The following ADGRB3 variants were observed in gnomAD, a reference collection of about 807,000 sequenced individuals.
ADGRB3 encodes the protein adhesion G protein-coupled receptor B3.
A neutral mutation model predicts 193.4 loss-of-function variants in ADGRB3; 37 were observed. The ratio of observed to expected loss-of-function variants is 0.19; its 90% confidence interval spans 0.15 to 0.25. ADGRB3 has a LOEUF of 0.25. Ranked by LOEUF, ADGRB3 falls within the 10% of genes least tolerant of loss-of-function variation. The probability of loss-of-function intolerance (pLI) is 1.00; values close to 1 mark genes in which losing one functional copy is unlikely to be tolerated. For missense variants in ADGRB3, 1,637 were observed against 1,852.9 expected (o/e 0.88, Z 2.14); for synonymous variants, 690 against 644.2 (o/e 1.07, Z -1.08).
chr6:69,298,427 A>C (rs1257899367), intron 20 of ADGRB3, among the ~76,000 whole-genome samples: 1 of 152,056 alleles, frequency 6.6e-6, no homozygotes, highest in Non-Finnish European at 1.5e-5. Flanking sequence ...TTTGAAATAT[A>C]CAATAAATTA....
intron 16 of ADGRB3, among the ~76,000 whole-genome samples, chr6:69,068,972 G>A (rs377576625): frequency 6.6e-6 from 1 of 151,878 alleles, no homozygotes; most frequent in African/African-American, 2.4e-5. Flanking sequence ...AGTTTTCAAT[G>A]TGATGAGAAT....
chr6:68,810,146 G>C (rs113185844), intron 3 of ADGRB3, among the ~76,000 whole-genome samples: 9 of 152,196 alleles, frequency 5.9e-5, no homozygotes, highest in African/African-American at 2.2e-4. Flanking sequence ...GAACATAAAT[G>C]GGAAATTGCT....
chr6:69,106,625 G>A (rs1773223064), intron 17 of ADGRB3, among the ~76,000 whole-genome samples: 1 of 152,232 alleles, frequency 6.6e-6, no homozygotes, highest in African/African-American at 2.4e-5. Flanking sequence ...GAATCCAGCA[G>A]TTTGCCAGAG....
At chr6:69,175,581 C>T (rs969145444) in intron 17 of ADGRB3, among the ~76,000 whole-genome samples, 12 of 152,142 alleles carry the variant, frequency 7.9e-5, no homozygotes, top group African/African-American at 2.9e-4. Context: ...AATGTGATGC[C>T]TCTGGCTTTG....
intron 3 of ADGRB3, among the ~76,000 whole-genome samples, chr6:68,696,084 C>A (rs1270660142): frequency 6.6e-6 from 1 of 151,990 alleles, no homozygotes; most frequent in Admixed American, 6.6e-5. Context: ...CGTCTTCTTG[C>A]CTGGCCAGAA....
At chr6:68,724,685 A>G (rs1765642810) in intron 3 of ADGRB3, among the ~76,000 whole-genome samples, 1 of 150,040 alleles carries the variant, frequency 6.7e-6, no homozygotes, top group African/African-American at 2.4e-5. Context: ...TTTGGTAAAA[A>G]CTCACTTTTC....
chr6:69,008,004 A>C (rs991074304), intron 11 of ADGRB3, among the ~76,000 whole-genome samples: 2 of 152,110 alleles, frequency 1.3e-5, no homozygotes, highest in African/African-American at 2.4e-5. Flanking sequence ...AGTGGAAAAC[A>C]GAAGGGTGTG....
At chr6:68,765,535 T>C (rs1164199245) in intron 3 of ADGRB3, among the ~76,000 whole-genome samples, 2 of 64,272 alleles carry the variant, frequency 3.1e-5, no homozygotes, top group Admixed American at 2.0e-4. Flanking sequence ...TATATTCTTA[T>C]AGACACACAC....
At chr6:69,383,842 C>T (rs1042088900) in intron 31 of ADGRB3, among the ~76,000 whole-genome samples, 2 of 151,972 alleles carry the variant, frequency 1.3e-5, no homozygotes, top group African/African-American at 2.4e-5. Context: ...CTCCTTTGCC[C>T]AAATATGGGG....
At chr6:69,106,201 GA>G (rs1773210464) in intron 17 of ADGRB3, among the ~76,000 whole-genome samples, 1 of 117,720 alleles carries the variant, frequency 8.5e-6, no homozygotes, top group Admixed American at 8.5e-5. Flanking sequence ...AAAGAAAAAA[GA>G]AAAGAAACTT....
chr6:69,355,551 TAA>T (rs1769319998), intron 27 of ADGRB3, among the ~76,000 whole-genome samples: 1 of 152,240 alleles, frequency 6.6e-6, no homozygotes, highest in African/African-American at 2.4e-5. Context: ...TAATATATAG[TAA>T]TCAGTTTCCA....
chr6:69,007,691 T>A (rs961236137), intron 11 of ADGRB3, among the ~76,000 whole-genome samples: 29 of 73,328 alleles, frequency 4.0e-4, no homozygotes, highest in African/African-American at 2.1e-3. Context: ...TCTCTCTCTC[T>A]CTCACACACA....
chr6:69,315,307 A>G (rs911342179), intron 20 of ADGRB3, among the ~76,000 whole-genome samples: 8 of 151,610 alleles, frequency 5.3e-5, no homozygotes, highest in Middle Eastern at 3.4e-3. Flanking sequence ...CCTTTGTAAA[A>G]TATTTCCTCT....
At position 69,206,049 on chromosome 6, in the gene ADGRB3, A is replaced by G. The variant is rs1350669446; in HGVS notation, c.2481-27241A>G. 8.4e-3 allele frequency among the ~76,000 whole-genome samples: 625 copies of G among 74,226 alleles called. 3 individuals are homozygous for G. Among genetic ancestry groups the G allele is most frequent in the African/African-American group, 0.031 (551 of 17,614 alleles). 48.7% of individuals were successfully genotyped at this position (74,226 alleles called of 152,430 possible). ...AGAATAATATATATAATAATGGTAT[A>G]TATATATATATATATATATATATAT... On this transcript the variant is annotated intron_variant, in intron 17 of 31. Transcript: ENST00000370598.
chr6:69,316,420 C>T (rs569382724), intron 20 of ADGRB3, among the ~76,000 whole-genome samples: 40 of 151,492 alleles, frequency 2.6e-4, no homozygotes, highest in Middle Eastern at 3.4e-3. Flanking sequence ...GAACATTACA[C>T]ACAATCATAT....
At chr6:68,908,353 C>T (rs372242953) in intron 3 of ADGRB3, among the ~76,000 whole-genome samples, 1 of 152,040 alleles carries the variant, frequency 6.6e-6, no homozygotes, top group South Asian at 2.1e-4. Context: ...CTTCTGAACG[C>T]CTAAGAGCAT....
intron 20 of ADGRB3, among the ~76,000 whole-genome samples, chr6:69,291,629 G>A (rs542330650): frequency 1.3e-4 from 20 of 152,214 alleles, no homozygotes; most frequent in Non-Finnish European, 2.2e-4. Context: ...TCCTTAACCT[G>A]AAGCCCAGTT....
intron 17 of ADGRB3, among the ~76,000 whole-genome samples, chr6:69,095,834 TCTTG>T (rs1196193149): frequency 6.6e-6 from 1 of 152,142 alleles, no homozygotes; most frequent in Admixed American, 6.5e-5. Context: ...CACACAACCC[TCTTG>T]CTTGTTTGTA....
chr6:68,831,349 T>C lies in ADGRB3; in HGVS notation c.758-99210T>C, dbSNP rs186953990. ...AAGCTGATTTTACTGGTTTTGGACATGCTGAATTTGAAGTATTCCAGATTT... is the reference window on the plus strand; with the variant it reads ...AAGCTGATTTTACTGGTTTTGGACACGCTGAATTTGAAGTATTCCAGATTT... On this transcript the variant is annotated intron_variant, in intron 3 of 31. Coordinates refer to ENST00000370598, the MANE Select transcript of ADGRB3 (RefSeq NM_001704.3). Among the ~76,000 whole-genome samples the C allele has an allele frequency of 1.9e-3, 278 of 150,132 alleles. 1 individual carries two copies. Among genetic ancestry groups the C allele is most frequent in the South Asian group, 0.011 (54 of 4,696 alleles).
Sources: allele counts gnomAD v4.1 joint callset (sites outside exome capture counted in the v4.1 genomes callset), GRCh38; gene constraint gnomAD v4.1.1; transcripts MANE v1.5; gene names NCBI Gene and HGNC (gene_info 2026-07-23, HGNC 2026-07-21).